PALM2AKAP2: variants seen among roughly 807,000 people sequenced by gnomAD.
PALM2AKAP2 encodes the protein PALM2-AKAP2 fusion protein.
In PALM2AKAP2, 37 loss-of-function variants were observed where a neutral mutation model predicts 71.5. That is an observed-to-expected ratio of 0.52 (90% CI 0.40 to 0.68). The LOEUF (loss-of-function observed/expected upper bound fraction) is 0.68. PALM2AKAP2 is among the 30% of genes least tolerant of loss of function. PALM2AKAP2 has a pLI of 0.00. For synonymous variants in PALM2AKAP2, 468 were observed against 478.8 expected (o/e 0.98, Z 0.29); for missense variants, 1,224 against 1,191.8 (o/e 1.03, Z -0.40).
At chr9:109,830,781 C>T (rs1828273971) in intron 1 of PALM2AKAP2, among the ~76,000 whole-genome samples, 1 of 152,136 alleles carries the variant, frequency 6.6e-6, no homozygotes, top group Non-Finnish European at 1.5e-5. Flanking sequence ...GAAGGAAGAA[C>T]TCCCCATGTT....
At chr9:109,982,764 G>A (rs1310463802) in intron 6 of PALM2AKAP2, among the ~76,000 whole-genome samples, 2 of 152,194 alleles carry the variant, frequency 1.3e-5, no homozygotes, top group African/African-American at 2.4e-5. Flanking sequence ...AGCTAGGGCT[G>A]TTGGTGTGTG....
At chr9:109,985,908 C>T (rs1475977628) in intron 6 of PALM2AKAP2, among the ~76,000 whole-genome samples, 1 of 152,122 alleles carries the variant, frequency 6.6e-6, no homozygotes, top group Non-Finnish European at 1.5e-5. Flanking sequence ...CCTTGGCCTC[C>T]CAAAGTGCTG....
intron 6 of PALM2AKAP2, among the ~76,000 whole-genome samples, chr9:109,960,867 C>T (rs1831840740): frequency 6.6e-6 from 1 of 152,164 alleles, no homozygotes; most frequent in Admixed American, 6.5e-5. Context: ...AAATTGTCTT[C>T]CTATGCCTTG....
chr9:110,159,397 G>A (rs1836540542), intron 3 of PALM2AKAP2, among the ~76,000 whole-genome samples: 1 of 152,196 alleles, frequency 6.6e-6, no homozygotes, highest in African/African-American at 2.4e-5. Flanking sequence ...CCACTTGGCA[G>A]CATTTTGGCA....
chr9:109,845,129 T>C lies in PALM2AKAP2; in HGVS notation c.46-22362T>C, dbSNP rs184359553. On this transcript the variant is annotated intron_variant, in intron 1 of 9. Coordinates refer to the PALM2AKAP2 transcript ENST00000302798. ...CTGCTTACTAAGTGCATTTGAAGAG[T>C]CCTCTGCTTTATCCGTACTCTATCC... Among the ~76,000 whole-genome samples the C allele has an allele frequency of 4.6e-5, 7 of 152,238 alleles. No individual in the cohort carries two copies. In the East Asian group the frequency reaches 1.4e-3, roughly 29 times the overall value.
At chr9:109,771,734 C>T (rs1417880452) in intron 1 of PALM2AKAP2, among the ~76,000 whole-genome samples, 1 of 152,056 alleles carries the variant, frequency 6.6e-6, no homozygotes, top group Non-Finnish European at 1.5e-5. Context: ...AGAAGTAAGG[C>T]ATTAGAGGAG....
upstream of PALM2AKAP2, among the ~76,000 whole-genome samples, chr9:110,045,178 TA>T (rs1391918685): frequency 3.3e-5 from 5 of 152,212 alleles, no homozygotes; most frequent in Admixed American, 6.5e-5. Context: ...CCTCTCCCCC[TA>T]AAAAAATTTC....
chr9:109,708,498 C>G (rs1828177688), intron 1 of PALM2AKAP2, among the ~76,000 whole-genome samples: 1 of 152,166 alleles, frequency 6.6e-6, no homozygotes, highest in Admixed American at 6.5e-5. Flanking sequence ...ATATTTTTGG[C>G]AGGAAATCAT....
chr9:109,854,494 A>C (rs994300577), intron 1 of PALM2AKAP2, among the ~76,000 whole-genome samples: 5 of 152,198 alleles, frequency 3.3e-5, no homozygotes, highest in African/African-American at 9.6e-5. Context: ...AGCTTGGTAT[A>C]TTACATTTTC....
At chr9:109,844,105 A>G (rs549779072) in intron 1 of PALM2AKAP2, among the ~76,000 whole-genome samples, 1 of 152,344 alleles carries the variant, frequency 6.6e-6, no homozygotes, top group African/African-American at 2.4e-5. Flanking sequence ...GCAGTAGCTA[A>G]CTAACATTTA....
At chr9:110,143,567 C>T (rs1041029698) in intron 2 of PALM2AKAP2, among the ~76,000 whole-genome samples, 8 of 152,172 alleles carry the variant, frequency 5.3e-5, no homozygotes, top group African/African-American at 1.9e-4. Flanking sequence ...ATTGAAGTTG[C>T]AGTTCAAGAC....
At chr9:110,108,196 A>T (rs950935861) in intron 1 of PALM2AKAP2, among the ~76,000 whole-genome samples, 2 of 149,096 alleles carry the variant, frequency 1.3e-5, no homozygotes, top group African/African-American at 5.0e-5. Context: ...GCTCACTGCA[A>T]CCTCTGCCTC....
In PALM2AKAP2 at chr9:109,880,604, C is replaced by T. The variant is rs766837956; in HGVS notation, c.180C>T (p.Ala60=). The change falls in exon 3 of 10, where the codon GCC becomes GCT. Residue 60 remains alanine (A), a synonymous_variant. Coordinates refer to the PALM2AKAP2 transcript ENST00000302798. ...TGCAGGGCATACCCGCTGGAACTGC[C>T]GAAGAGGAGGAAGCCAGGAGGCGGC... 8 of 1,613,540 alleles carry T rather than the reference C, an allele frequency of 5.0e-6. No individual in the cohort carries two copies. In the African/African-American group the frequency reaches 6.7e-5, roughly 13 times the overall value.
chr9:110,006,572 A>G (rs1401244097), intron 6 of PALM2AKAP2, among the ~76,000 whole-genome samples: 1 of 151,932 alleles, frequency 6.6e-6, no homozygotes, highest in Non-Finnish European at 1.5e-5. Context: ...CATGTTGCCC[A>G]GGCTGGTCTT....
At chr9:109,753,960 A>G (rs542793509) in intron 1 of PALM2AKAP2, among the ~76,000 whole-genome samples, 7 of 152,312 alleles carry the variant, frequency 4.6e-5, no homozygotes, top group Non-Finnish European at 7.4e-5. Flanking sequence ...CTGCCCCGGT[A>G]TAACTACTGT....
intron 1 of PALM2AKAP2, among the ~76,000 whole-genome samples, chr9:110,091,172 T>A (rs1053332489): frequency 1.3e-5 from 2 of 152,140 alleles, no homozygotes; most frequent in Non-Finnish European, 2.9e-5. Context: ...GTAACTGCAA[T>A]CCTGTCTATA....
intron 1 of PALM2AKAP2, among the ~76,000 whole-genome samples, chr9:109,793,691 C>G (rs899345511): frequency 5.9e-5 from 9 of 152,166 alleles, no homozygotes; most frequent in African/African-American, 2.2e-4. Flanking sequence ...AAACAATAGC[C>G]CGTGGGCCAA....
At chr9:110,071,009 C>A (rs988286532) in intron 1 of PALM2AKAP2, among the ~76,000 whole-genome samples, 1 of 151,714 alleles carries the variant, frequency 6.6e-6, no homozygotes, top group Non-Finnish European at 1.5e-5. Context: ...TAAAAACATA[C>A]AAAAATTAGC....
intron 1 of PALM2AKAP2, among the ~76,000 whole-genome samples, chr9:109,707,785 A>G (rs569567808): frequency 3.3e-5 from 5 of 152,162 alleles, no homozygotes; most frequent in African/African-American, 1.2e-4. Context: ...TTTTCACCCC[A>G]GTCTCCAGGA....
Sources: gnomAD v4.1 joint callset for allele counts (sites outside exome capture counted in the v4.1 genomes callset) on GRCh38, gnomAD v4.1.1 for gene constraint, MANE v1.5 for transcripts, NCBI Gene and HGNC (gene_info 2026-07-23, HGNC 2026-07-21) for gene names.